Variants in AK7 observed in about 807,000 individuals in gnomAD.
AK7 encodes adenylate kinase 7.
A neutral mutation model predicts 96.6 loss-of-function variants in AK7; 78 were observed. The observed-to-expected ratio is 0.81, with a 90% CI of 0.67 to 0.97. The LOEUF (loss-of-function observed/expected upper bound fraction) is 0.97, where lower values mean the gene tolerates loss of function less well. AK7 is among the 50% of genes least tolerant of loss of function. The probability of loss-of-function intolerance (pLI) is 0.00; values close to 1 mark genes in which losing one functional copy is unlikely to be tolerated. For missense variants in AK7, 855 were observed against 887.9 expected (o/e 0.96, Z 0.47); for synonymous variants, 302 against 317.2 (o/e 0.95, Z 0.51).
chr14:96,484,123 C>T (rs1895653648), intron 16 of AK7, among the ~76,000 whole-genome samples: 1 of 152,032 alleles, frequency 6.6e-6, no homozygotes, highest in Non-Finnish European at 1.5e-5. Flanking sequence ...ACTAGGGAGG[C>T]TAAGGTGGGA....
chr14:96,404,920 T>A, intron 3 of AK7, 55 bp downstream of exon 3: 1 of 1,305,254 alleles, frequency 7.7e-7, no homozygotes. Context: ...GCTGCCTACT[T>A]CACCTAATAG....
intron 16 of AK7, among the ~76,000 whole-genome samples, chr14:96,485,539 T>C (rs1434368600): frequency 6.6e-6 from 1 of 152,192 alleles, no homozygotes; most frequent in Non-Finnish European, 1.5e-5. Context: ...AGAGGTAATA[T>C]ACGTAAACTA....
At chr14:96,409,954 C>T (rs1008763878) in intron 4 of AK7, among the ~76,000 whole-genome samples, 1 of 152,154 alleles carries the variant, frequency 6.6e-6, no homozygotes, top group African/African-American at 2.4e-5. Context: ...ACTGAGTCAC[C>T]GGCAGCGACA....
At chr14:96,479,909 G>A (rs566234050) in intron 15 of AK7, among the ~76,000 whole-genome samples, 37 of 152,078 alleles carry the variant, frequency 2.4e-4, no homozygotes, top group African/African-American at 8.7e-4. Flanking sequence ...TGGAGTATCG[G>A]GAGGCTTAGT....
chr14:96,404,687 C>A, intron 2 of AK7, 70 bp from the exon 3 acceptor site: 1 of 1,042,258 alleles, frequency 9.6e-7, no homozygotes, highest in Non-Finnish European at 1.5e-6. Context: ...TGAAAATTAT[C>A]ATTTCATTGA....
chr14:96,465,351 T>C (rs1894501569), intron 12 of AK7, among the ~76,000 whole-genome samples: 1 of 151,796 alleles, frequency 6.6e-6, no homozygotes, highest in African/African-American at 2.4e-5. Context: ...TAGTCCCAGC[T>C]ACTCAGGAGG....
Position 96,399,296 on chromosome 14 carries a change from A to G in AK7, c.294+1033A>G, listed in dbSNP as rs1412856242. ...CAATAAACACTTGTGGAATGGACGAATGCATCCCCTCCAGACATCTTTGGG... is the reference window on the plus strand; with the variant it reads ...CAATAAACACTTGTGGAATGGACGAGTGCATCCCCTCCAGACATCTTTGGG... On this transcript the variant is annotated intron_variant, in intron 2 of 17. Coordinates refer to ENST00000267584, the MANE Select transcript of AK7 (RefSeq NM_152327.5). This position sits in a 1 kb window ranked among gnomAD's most constrained non-coding sequence, Gnocchi z 4.1. 2 of 152,196 alleles carry G rather than the reference A, an allele frequency of 1.3e-5. No individual in the cohort carries two copies. Among genetic ancestry groups the G allele is most frequent in the Admixed American group, 1.3e-4 (2 of 15,284 alleles). The allele number at this position is 152,196 out of a possible 1,614,324, so 9.4% of individuals were successfully genotyped here.
At chr14:96,479,152 C>T (rs12885742) in intron 15 of AK7, among the ~76,000 whole-genome samples, 1 of 151,984 alleles carries the variant, frequency 6.6e-6, no homozygotes, top group Admixed American at 6.6e-5. Context: ...TCTCGGCTCA[C>T]TGCAAACTCC....
intron 12 of AK7, 33 bp from the exon 13 acceptor site, chr14:96,471,445 T>G (rs573131355): frequency 1.7e-6 from 2 of 1,151,204 alleles, no homozygotes; most frequent in African/African-American, 3.2e-5. Context: ...TGATACATTA[T>G]AAGTAATATA....
chr14:96,392,843 T>C (rs1343627442), intron 1 of AK7, among the ~76,000 whole-genome samples: 3 of 152,084 alleles, frequency 2.0e-5, no homozygotes, highest in Non-Finnish European at 4.4e-5. Context: ...TTTGTATTTT[T>C]AGCAGAGACG....
chr14:96,415,725 A>T (rs1435846156), intron 4 of AK7, among the ~76,000 whole-genome samples: 3 of 116,500 alleles, frequency 2.6e-5, no homozygotes, highest in East Asian at 3.7e-4. Context: ...TATTATTAAT[A>T]AATTTTAATA....
At chr14:96,485,361 G>A (rs186071194) in intron 16 of AK7, among the ~76,000 whole-genome samples, 54 of 152,190 alleles carry the variant, frequency 3.5e-4, no homozygotes, top group Non-Finnish European at 1.6e-4. Context: ...ATAGAAACAG[G>A]AACGGCTCCA....
chr14:96,462,539 T>TG (rs757585922), intron 12 of AK7, among the ~76,000 whole-genome samples: 7 of 152,200 alleles, frequency 4.6e-5, no homozygotes, highest in Non-Finnish European at 1.0e-4. Context: ...CGGCCCCTGA[T>TG]GGTGCAGCAA....
At chr14:96,482,524 G>A (rs1364511685) in intron 15 of AK7, among the ~76,000 whole-genome samples, 1 of 152,094 alleles carries the variant, frequency 6.6e-6, no homozygotes, top group Non-Finnish European at 1.5e-5. Context: ...CTGGAGTCTG[G>A]ATATTTTTCC....
At chr14:96,462,538 A>G (rs1894311572) in intron 12 of AK7, among the ~76,000 whole-genome samples, 1 of 152,166 alleles carries the variant, frequency 6.6e-6, no homozygotes, top group African/African-American at 2.4e-5. Context: ...TCGGCCCCTG[A>G]TGGTGCAGCA....
chr14:96,452,616 G>A (rs1424803178), intron 10 of AK7, among the ~76,000 whole-genome samples: 1 of 152,024 alleles, frequency 6.6e-6, no homozygotes, highest in Non-Finnish European at 1.5e-5. Flanking sequence ...TTGAGCCACC[G>A]TGCCTGGCTG....
chr14:96,409,803 T>A (rs1890932184), intron 4 of AK7, among the ~76,000 whole-genome samples: 2 of 152,238 alleles, frequency 1.3e-5, no homozygotes, highest in Admixed American at 1.3e-4. Context: ...TTTGGTGCTC[T>A]GTTTCTGTGC....
At chr14:96,459,165 C>A (rs1894116744) in intron 12 of AK7, among the ~76,000 whole-genome samples, 1 of 151,818 alleles carries the variant, frequency 6.6e-6, no homozygotes, top group Non-Finnish European at 1.5e-5. Context: ...TGGTGAAAAC[C>A]CATCTCTATT....
At chr14:96,400,356 A>G (rs1335051487) in intron 2 of AK7, among the ~76,000 whole-genome samples, 2 of 152,098 alleles carry the variant, frequency 1.3e-5, no homozygotes, top group Non-Finnish European at 2.9e-5. Context: ...CACTCTTTGT[A>G]TGACTTTGTA....
Sources: allele counts gnomAD v4.1 joint callset (sites outside exome capture counted in the v4.1 genomes callset), GRCh38; gene constraint gnomAD v4.1.1; non-coding constraint Gnocchi (gnomAD v3.1); transcripts MANE v1.5; gene names NCBI Gene and HGNC (gene_info 2026-07-23, HGNC 2026-07-21).